SLC17A6: variants seen among roughly 807,000 people sequenced by gnomAD.
SLC17A6 encodes the protein vesicular glutamate transporter 2.
A neutral mutation model predicts 67.1 loss-of-function variants in SLC17A6; 35 were observed. That is an observed-to-expected ratio of 0.52 (90% CI 0.40 to 0.69). The LOEUF is 0.69. SLC17A6 is among the 30% of genes least tolerant of loss of function. The pLI is 0.00. For synonymous variants in SLC17A6, 285 were observed against 252.3 expected (o/e 1.13, Z -1.23); for missense variants, 588 against 723.9 (o/e 0.81, Z 2.15).
chr11:22,351,651 T>C (rs1306788043), intron 3 of SLC17A6, among the ~76,000 whole-genome samples: 8 of 132,928 alleles, frequency 6.0e-5, no homozygotes, highest in Non-Finnish European at 1.4e-4. Context: ...ACATTGTATT[T>C]TACAGCTTCT....
chr11:22,364,209 T>C (rs1856083075), intron 6 of SLC17A6, among the ~76,000 whole-genome samples: 1 of 152,130 alleles, frequency 6.6e-6, no homozygotes, highest in South Asian at 2.1e-4. Context: ...TATAGTGGGG[T>C]AAGTTAAAAA....
intron 8 of SLC17A6, among the ~76,000 whole-genome samples, chr11:22,371,425 C>G (rs966710903): frequency 1.4e-4 from 21 of 151,942 alleles, no homozygotes; most frequent in African/African-American, 4.8e-5. Context: ...CCTCCATCCC[C>G]GAGAAGAATG....
chr11:22,374,027 A>G (rs964371382), intron 8 of SLC17A6, among the ~76,000 whole-genome samples: 14 of 152,216 alleles, frequency 9.2e-5, no homozygotes, highest in African/African-American at 2.9e-4. Flanking sequence ...CGTATGCGGT[A>G]ATACATAATT....
rs181422223 is a variant in SLC17A6 at position 22,370,023 on chromosome 11, C to A, written c.892-16C>A. ...TATTTAAAATGGTCATAATGTCTCT[C>A]TTTTTGGAATTTCAGAAATTCAAGA... On this transcript the variant is annotated splice_polypyrimidine_tract_variant and intron_variant, in intron 7 of 11. Transcript: ENST00000263160. The A allele has an allele frequency of 6.2e-7, 1 of 1,602,432 alleles. No homozygotes were observed.
At chr11:22,343,022 A>C (rs1275397753) in intron 2 of SLC17A6, 1 of 605,786 alleles carries the variant, frequency 1.7e-6, no homozygotes, top group East Asian at 3.3e-5. Flanking sequence ...GAGCAAAGCC[A>C]GTGCGCCTGG....
chr11:22,343,204 A>T, intron 2 of SLC17A6, 43 bp from the exon 3 acceptor site: 2 of 1,503,268 alleles, frequency 1.3e-6, no homozygotes, highest in Non-Finnish European at 1.9e-6. Context: ...TTTGGTACTG[A>T]CTCTACTCTT....
At chr11:22,365,226 G>A (rs1856097690) in intron 6 of SLC17A6, among the ~76,000 whole-genome samples, 1 of 152,112 alleles carries the variant, frequency 6.6e-6, no homozygotes, top group African/African-American at 2.4e-5. Flanking sequence ...CACTTAACCA[G>A]AGTGCCTAGA....
At chr11:22,355,974 C>CACTG (rs1433067065) in intron 3 of SLC17A6, among the ~76,000 whole-genome samples, 1 of 152,232 alleles carries the variant, frequency 6.6e-6, no homozygotes, top group East Asian at 1.9e-4. Context: ...TCTCCTACTA[C>CACTG]ACTGAGGTCC....
chr11:22,375,264 T>C (rs1379113163), intron 9 of SLC17A6, among the ~76,000 whole-genome samples: 1 of 151,596 alleles, frequency 6.6e-6, no homozygotes, highest in Non-Finnish European at 1.5e-5. Context: ...TCCAGCTACT[T>C]GGAAGACTGA....
rs527723180 is a variant in SLC17A6 at position 22,377,636 on chromosome 11, C to G, written c.1645C>G (p.Gln549Glu). 1 of 1,613,962 alleles carries G rather than the reference C, an allele frequency of 6.2e-7. No homozygotes were observed. The highest frequency in any genetic ancestry group is 2.2e-5 in the East Asian group (1 of 44,886). The change falls in exon 12 of 12, where the codon CAG (glutamine) becomes GAG (glutamate). Residue 549 changes from glutamine to glutamate, a missense_variant. By Grantham distance (29) the Gln-to-Glu change is conservative. Around this residue, in one of 4 missense-constraint regions of SLC17A6, gnomAD observed 414 missense variants for 563.4 expected, o/e 0.73. Transcript: ENST00000263160. ...CACCAAGTCTTATGGTGCCACAACA[C>G]AGGCCAATGGAGGTTGGCCTAGTGG... The part of the protein sequence containing the change: ...GTTKSYGATT[Q>E]ANGGWPSGWE...
chr11:22,376,466 T>G, intron 10 of SLC17A6, 79 bp from the exon 11 acceptor site: 1 of 1,502,188 alleles, frequency 6.7e-7, no homozygotes, highest in East Asian at 2.3e-5. Context: ...TTTTAAGGAG[T>G]TGTGATGTGT....
chr11:22,364,032 T>G (rs971337066), intron 6 of SLC17A6, among the ~76,000 whole-genome samples: 3 of 152,162 alleles, frequency 2.0e-5, no homozygotes, highest in Non-Finnish European at 4.4e-5. Context: ...TATCATTATT[T>G]CAAGTTATAT....
At chr11:22,341,049 T>G (rs1471001149) in intron 1 of SLC17A6, among the ~76,000 whole-genome samples, 1 of 152,230 alleles carries the variant, frequency 6.6e-6, no homozygotes, top group African/African-American at 2.4e-5. Context: ...TGGGCCCGCC[T>G]GCAGCGGAGC....
At chr11:22,351,668 A>T (rs1401556173) in intron 3 of SLC17A6, among the ~76,000 whole-genome samples, 1 of 152,198 alleles carries the variant, frequency 6.6e-6, no homozygotes, top group Admixed American at 6.5e-5. Flanking sequence ...TTCTTAAAAA[A>T]ATCACTATAT....
chr11:22,370,011 C>T (rs958587456), intron 7 of SLC17A6, 28 bp from the exon 8 acceptor site: 2 of 1,597,786 alleles, frequency 1.3e-6, no homozygotes, highest in African/African-American at 2.7e-5. Flanking sequence ...TTAAAATGGT[C>T]ATAATGTCTC....
At chr11:22,353,813 T>C (rs991491155) in intron 3 of SLC17A6, among the ~76,000 whole-genome samples, 2 of 152,236 alleles carry the variant, frequency 1.3e-5, no homozygotes, top group Admixed American at 1.3e-4. Flanking sequence ...GCTTTGTTTT[T>C]TCTAGGTCTG....
intron 3 of SLC17A6, among the ~76,000 whole-genome samples, chr11:22,345,744 T>C (rs1390307152): frequency 6.6e-6 from 1 of 152,186 alleles, no homozygotes; most frequent in Non-Finnish European, 1.5e-5. Flanking sequence ...CAAAATGCAG[T>C]TGAAGCCTTG....
intron 4 of SLC17A6, among the ~76,000 whole-genome samples, chr11:22,360,290 C>A (rs1856036275): frequency 6.6e-6 from 1 of 151,884 alleles, no homozygotes; most frequent in Non-Finnish European, 1.5e-5. Flanking sequence ...AACACATGGA[C>A]ACAGGGAGGG....
At chr11:22,347,569 G>A (rs1326499669) in intron 3 of SLC17A6, among the ~76,000 whole-genome samples, 1 of 152,110 alleles carries the variant, frequency 6.6e-6, no homozygotes, top group Non-Finnish European at 1.5e-5. Flanking sequence ...GAATTTACCT[G>A]AAGCATTAAT....
Sources: gnomAD v4.1 joint callset for allele counts (sites outside exome capture counted in the v4.1 genomes callset) on GRCh38, gnomAD v4.1.1 for gene constraint, gnomAD v4.1.1 regional missense constraint, MANE v1.5 for transcripts, NCBI Gene and HGNC (gene_info 2026-07-23, HGNC 2026-07-21) for gene names.